Variants in ZNF124 observed in about 807,000 individuals in gnomAD.
ZNF124 encodes the protein zinc finger protein 124, also known as zinc finger protein HZF-16.
In ZNF124, 25 loss-of-function variants were observed where a neutral mutation model predicts 26.6. The ratio of observed to expected loss-of-function variants is 0.94; its 90% CI spans 0.68 to 1.31. The LOEUF is 1.31. Ranked by LOEUF, ZNF124 falls within the 40% of genes most tolerant of loss-of-function variation. The pLI is 0.00. For missense variants in ZNF124, 444 were observed against 422.2 expected (o/e 1.05, Z -0.45); for synonymous variants, 129 against 133.3 (o/e 0.97, Z 0.22).
intron 3 of ZNF124, among the ~76,000 whole-genome samples, chr1:247,128,129 A>G (rs1449296895): frequency 6.6e-6 from 1 of 152,130 alleles, no homozygotes; most frequent in Non-Finnish European, 1.5e-5. Flanking sequence ...TTTGTTCTTT[A>G]TTGTGCATTT....
intron 2 of ZNF124, 99 bp downstream of exon 2, chr1:247,159,588 A>G: frequency 7.5e-7 from 1 of 1,324,774 alleles, no homozygotes; most frequent in African/African-American, 1.5e-5. Flanking sequence ...TCACTCATCA[A>G]AGTGTTCCCT....
At chr1:247,152,478 A>G (rs1468550335), downstream of ZNF124, among the ~76,000 whole-genome samples, 1 of 152,102 alleles carries the variant, frequency 6.6e-6, no homozygotes, top group Non-Finnish European at 1.5e-5. Flanking sequence ...TATTCAACAA[A>G]ATAGACTAAT....
At chr1:247,139,408 TC>T (rs1672569187) in intron 3 of ZNF124, among the ~76,000 whole-genome samples, 1 of 152,220 alleles carries the variant, frequency 6.6e-6, no homozygotes, top group South Asian at 2.1e-4. Flanking sequence ...ACTGCATGGG[TC>T]TCTTGAAGGC....
At chr1:247,164,968 AT>A (rs753255072) in intron 1 of ZNF124, among the ~76,000 whole-genome samples, 129 of 146,356 alleles carry the variant, frequency 8.8e-4, no homozygotes, top group Middle Eastern at 3.6e-3. Flanking sequence ...CGACCATCTG[AT>A]TTTTTTTTTT....
downstream of ZNF124, among the ~76,000 whole-genome samples, chr1:247,150,497 TG>T (rs1452306700): frequency 1.3e-5 from 2 of 152,120 alleles, no homozygotes; most frequent in African/African-American, 4.8e-5. Flanking sequence ...GTTAGCTTAC[TG>T]GAAAAAAATA....
rs571896898 is a variant in ZNF124, at chr1:247,141,646, A to G, written c.218+17360T>C. Among the ~76,000 whole-genome samples, 11 of 152,166 alleles carry G rather than the reference A, an allele frequency of 7.2e-5. No individual in the cohort carries two copies. The East Asian group carries it at 9.7e-4, about 13-fold the overall frequency. ...CCTCTCCATGGGGAAACTCTGGGCC[A>G]CTACTGGTGGGTATGCTCAGCCATG... On this transcript the variant is annotated intron_variant, in intron 3 of 3. Coordinates refer to the ZNF124 transcript ENST00000472531.
intron 3 of ZNF124, among the ~76,000 whole-genome samples, chr1:247,124,957 C>T (rs543164215): frequency 9.2e-5 from 14 of 152,164 alleles, no homozygotes; most frequent in African/African-American, 3.1e-4. Context: ...ACCGCCATGC[C>T]CGGCTATTTT....
intron 3 of ZNF124, among the ~76,000 whole-genome samples, chr1:247,131,629 C>T (rs1672371147): frequency 6.6e-6 from 1 of 152,246 alleles, no homozygotes; most frequent in Non-Finnish European, 1.5e-5. Flanking sequence ...AGCTAGGTCC[C>T]AAGACCTGTC....
At chr1:247,147,938 T>C (rs921667074) in intron 3 of ZNF124, among the ~76,000 whole-genome samples, 1 of 152,244 alleles carries the variant, frequency 6.6e-6, no homozygotes, top group African/African-American at 2.4e-5. Flanking sequence ...GCCCAAGCCC[T>C]GTCAGTGAAG....
exon 4 of ZNF124, chr1:247,122,783 A>G (rs1372975223): frequency 6.6e-6 from 1 of 152,224 alleles, no homozygotes; most frequent in African/African-American, 2.4e-5. Context: ...AAATAGTTCA[A>G]GTAACAACGG....
intron 2 of ZNF124, 30 bp from the exon 3 acceptor site, chr1:247,159,096 A>G: frequency 6.3e-7 from 1 of 1,582,942 alleles, no homozygotes; most frequent in Non-Finnish European, 8.6e-7. Context: ...ATATATTACA[A>G]ATTATTTGAA....
chr1:247,135,981 C>T (rs1279112143), intron 3 of ZNF124, among the ~76,000 whole-genome samples: 1 of 152,148 alleles, frequency 6.6e-6, no homozygotes, highest in African/African-American at 2.4e-5. Context: ...TCAACATCCT[C>T]TCATGTTAAA....
chr1:247,145,066 G>A (rs1031082915), intron 3 of ZNF124, among the ~76,000 whole-genome samples: 1 of 152,178 alleles, frequency 6.6e-6, no homozygotes, highest in East Asian at 1.9e-4. Flanking sequence ...GGGCCACTGC[G>A]CCTGGCCAGT....
intron 3 of ZNF124, 99 bp downstream of exon 3, chr1:247,158,907 G>C (rs1673307130): frequency 5.4e-6 from 6 of 1,113,394 alleles, no homozygotes; most frequent in Non-Finnish European, 7.8e-6. Flanking sequence ...GGGATTACAG[G>C]TGTGAGCCAC....
intron 3 of ZNF124, chr1:247,138,740 C>T (rs570993732): frequency 2.5e-6 from 1 of 398,618 alleles, no homozygotes; most frequent in South Asian, 1.3e-4. Flanking sequence ...ATAAGCACAT[C>T]TTCATGAACC....
intron 1 of ZNF124, among the ~76,000 whole-genome samples, chr1:247,169,281 TCTC>T (rs557927309): frequency 5.1e-4 from 77 of 152,242 alleles, no homozygotes; most frequent in African/African-American, 1.8e-3. Context: ...TGGTCCCCGG[TCTC>T]CTCATTGGAG....
At chr1:247,158,280 A>C (rs1019913392) in intron 3 of ZNF124, among the ~76,000 whole-genome samples, 3 of 151,954 alleles carry the variant, frequency 2.0e-5, no homozygotes, top group Non-Finnish European at 4.4e-5. Flanking sequence ...AAAAAACCCC[A>C]AAAACTTTGG....
chr1:247,127,452 G>T (rs934140618), intron 3 of ZNF124, among the ~76,000 whole-genome samples: 1 of 81,720 alleles, frequency 1.2e-5, no homozygotes, highest in Non-Finnish European at 2.7e-5. Context: ...CATCACTTAA[G>T]GGAGGAGACC....
At chr1:247,152,576 A>G (rs1672977209), downstream of ZNF124, among the ~76,000 whole-genome samples, 1 of 152,194 alleles carries the variant, frequency 6.6e-6, no homozygotes, top group Non-Finnish European at 1.5e-5. Flanking sequence ...TGTTAAATAT[A>G]ATAGACTTTA....
Sources: allele counts gnomAD v4.1 joint callset (sites outside exome capture counted in the v4.1 genomes callset), GRCh38; gene constraint gnomAD v4.1.1; transcripts MANE v1.5; gene names NCBI Gene and HGNC (gene_info 2026-07-23, HGNC 2026-07-21).